MAF: variants seen among roughly 807,000 people sequenced by gnomAD.
The protein encoded by MAF is MAF bZIP transcription factor.
Under a neutral mutation model 22.0 loss-of-function variants are expected in MAF, and 10 were observed. The observed-to-expected ratio is 0.45, with a 90% CI of 0.28 to 0.77. The LOEUF is 0.77. Ranked by LOEUF, MAF falls within the 30% of genes least tolerant of loss-of-function variation. MAF has a pLI of 0.12. For missense variants in MAF, 544 were observed against 548.4 expected (o/e 0.99, Z 0.08); for synonymous variants, 337 against 255.8 (o/e 1.32, Z -3.03).
intron 1 of MAF, 171 bp downstream of exon 1, chr16:79,598,614 T>TG (rs1913739838): frequency 1.4e-6 from 2 of 1,393,818 alleles, no homozygotes; most frequent in Non-Finnish European, 9.5e-7. Context: ...GTGTGTGGTG[T>TG]GTGCGTGCGG....
intron 1 of MAF, chr16:79,598,082 C>T (rs1913669241): frequency 9.6e-7 from 1 of 1,041,664 alleles, no homozygotes; most frequent in Non-Finnish European, 1.2e-6. Context: ...CGGCACGCTG[C>T]AAGTCTATAA....
the MAF span, among the ~76,000 whole-genome samples, chr16:79,401,258 G>A: frequency 6.6e-6 from 1 of 152,160 alleles, no homozygotes; most frequent in Non-Finnish European, 1.5e-5. Flanking sequence ...ACTACCTGTG[G>A]TGGTTAACTC....
At chr16:79,443,645 C>A in the MAF span, among the ~76,000 whole-genome samples, 1 of 152,222 alleles carries the variant, frequency 6.6e-6, no homozygotes, top group Non-Finnish European at 1.5e-5. Flanking sequence ...GGAGCAAATG[C>A]AGAGATTGGT....
the MAF span, among the ~76,000 whole-genome samples, chr16:79,496,738 T>C: frequency 6.6e-6 from 1 of 152,220 alleles, no homozygotes; most frequent in Non-Finnish European, 1.5e-5. Context: ...AATGGGGCTA[T>C]GAAAATAAAC....
At chr16:79,297,124 G>C in the MAF span, among the ~76,000 whole-genome samples, 2 of 152,180 alleles carry the variant, frequency 1.3e-5, no homozygotes, top group Non-Finnish European at 2.9e-5. Context: ...TGAGGATGCA[G>C]TCTGGATGAT....
the MAF span, among the ~76,000 whole-genome samples, chr16:79,544,649 C>A: frequency 6.6e-6 from 1 of 151,684 alleles, no homozygotes; most frequent in East Asian, 1.9e-4. Context: ...TGGCAGGTAC[C>A]TGTAGTCCCA....
the MAF span, chr16:79,206,156 C>T: frequency 2.6e-5 from 4 of 152,162 alleles, no homozygotes; most frequent in Admixed American, 6.5e-5. Context: ...TAACATTTCT[C>T]GGGTGAACAC....
chr16:79,243,287 TTA>T, the MAF span, among the ~76,000 whole-genome samples: 1 of 151,566 alleles, frequency 6.6e-6, no homozygotes, highest in African/African-American at 2.4e-5. Context: ...TTTTATTTTT[TTA>T]TTTTTGTTTT....
the MAF span, among the ~76,000 whole-genome samples, chr16:79,503,089 T>G: frequency 6.6e-6 from 1 of 152,256 alleles, no homozygotes; most frequent in Admixed American, 6.5e-5. Flanking sequence ...TTCAAGATAT[T>G]AAGTTGCTAA....
chr16:79,267,591 G>A, the MAF span, among the ~76,000 whole-genome samples: 1 of 152,208 alleles, frequency 6.6e-6, no homozygotes, highest in African/African-American at 2.4e-5. Flanking sequence ...GGCGGACAGT[G>A]CAGAGGCACT....
chr16:79,295,681 C>T, the MAF span, among the ~76,000 whole-genome samples: 9 of 152,344 alleles, frequency 5.9e-5, no homozygotes, highest in South Asian at 2.1e-4. Flanking sequence ...GACATATTCT[C>T]GTTGGAGAAG....
At chr16:79,455,971 T>G in the MAF span, among the ~76,000 whole-genome samples, 3 of 152,100 alleles carry the variant, frequency 2.0e-5, no homozygotes, top group Non-Finnish European at 4.4e-5. Context: ...TGAGCCAAGA[T>G]CTTGCCACTG....
intron 1 of MAF, chr16:79,597,401 G>C: frequency 9.7e-7 from 1 of 1,031,992 alleles, no homozygotes; most frequent in Non-Finnish European, 1.2e-6. Context: ...TAATGGGGCA[G>C]TTTCTCTTTT....
At chr16:79,521,209 A>G in the MAF span, among the ~76,000 whole-genome samples, 1 of 152,240 alleles carries the variant, frequency 6.6e-6, no homozygotes, top group African/African-American at 2.4e-5. Flanking sequence ...CAAGCTCCAC[A>G]GTACATACTT....
the MAF span, among the ~76,000 whole-genome samples, chr16:79,510,097 G>A: frequency 8.5e-5 from 13 of 152,148 alleles, no homozygotes; most frequent in Non-Finnish European, 1.6e-4. Flanking sequence ...ATTGCAGGAC[G>A]GCTACCGAAC....
the MAF span, among the ~76,000 whole-genome samples, chr16:79,295,436 TG>T: frequency 6.6e-6 from 1 of 152,180 alleles, no homozygotes; most frequent in African/African-American, 2.4e-5. Context: ...AAAGCCAGAT[TG>T]GTTACAGCTC....
chr16:79,226,525 T>C, the MAF span, among the ~76,000 whole-genome samples: 1 of 151,924 alleles, frequency 6.6e-6, no homozygotes, highest in Non-Finnish European at 1.5e-5. Context: ...TTAAAGTATA[T>C]AAAAAAATTT....
At chr16:79,330,102 A>G in the MAF span, among the ~76,000 whole-genome samples, 1 of 152,206 alleles carries the variant, frequency 6.6e-6, no homozygotes, top group Admixed American at 6.5e-5. Flanking sequence ...CGATTTATTC[A>G]AAGCAGGTAA....
chr16:79,350,728 C>A, the MAF span, among the ~76,000 whole-genome samples: 1 of 152,120 alleles, frequency 6.6e-6, no homozygotes, highest in East Asian at 1.9e-4. Flanking sequence ...TGGGAGGGAC[C>A]CTGCAGGGAC....
Sources: allele counts gnomAD v4.1 joint callset (sites outside exome capture counted in the v4.1 genomes callset), GRCh38; gene constraint gnomAD v4.1.1; transcripts MANE v1.5; gene names NCBI Gene and HGNC (gene_info 2026-07-23, HGNC 2026-07-21).